The following SPTBN4 variants were observed in gnomAD, a reference collection of about 807,000 sequenced individuals.
SPTBN4 encodes the protein spectrin beta chain, non-erythrocytic 4.
SPTBN4 carries 96 observed loss-of-function variants against 277.8 expected under a neutral mutation model. That is an observed-to-expected ratio of 0.35 (90% CI 0.29 to 0.41). SPTBN4 has a LOEUF of 0.41. SPTBN4 is among the 10% of genes least tolerant of loss of function. SPTBN4 has a pLI of 1.00. For missense variants in SPTBN4, 3,006 were observed against 3,595.7 expected, an observed-to-expected ratio of 0.84 and a Z score of 4.19; for synonymous variants, 1,481 against 1,580.3, an observed-to-expected ratio of 0.94 and a Z score of 1.49.
At chr19:40,467,842 C>T (rs1259686437) in intron 1 of SPTBN4, among the ~76,000 whole-genome samples, 1 of 152,134 alleles carries the variant, frequency 6.6e-6, no homozygotes, top group South Asian at 2.1e-4. Flanking sequence ...AACTGAGGCA[C>T]AGAAAGGCCA....
In SPTBN4 at chr19:40,504,023, T is replaced by C; in HGVS notation, c.1556T>C (p.Leu519Pro). The change falls in exon 12 of 36, where the codon CTG (leucine) becomes CCG (proline). Residue 519 changes from leucine to proline, a missense_variant. Around this residue, in one of 5 missense-constraint regions of SPTBN4, gnomAD observed 1,759 missense variants for 2,061.5 expected, o/e 0.85. Coordinates refer to ENST00000598249, the MANE Select transcript of SPTBN4 (RefSeq NM_020971.3). The part of the protein sequence containing the change: ...QRDSVLRQWA[L>P]LTGLVGARRT... ...GACAGCGTCCTGCGCCAGTGGGCCC[T>C]GCTAACTGGGCTTGTGGGTGCCCGG... is the stretch of plus-strand genomic sequence containing the variant. The C allele has an allele frequency of 6.2e-7, 1 of 1,613,924 alleles. No homozygotes were observed. The highest frequency in any genetic ancestry group is 1.1e-5 in the South Asian group (1 of 91,080).
Position 40,532,652 on chromosome 19 carries a change from C to T in SPTBN4, c.3976C>T (p.Leu1326=), listed in dbSNP as rs763428136. 6.2e-7 allele frequency: 1 copy of T among 1,613,400 alleles called. No homozygotes were observed. The highest frequency in any genetic ancestry group is 8.5e-7 in the Non-Finnish European group (1 of 1,179,580). Residue 1326 remains leucine (L), a synonymous_variant, in exon 19 of 36, where the codon CTG becomes TTG. Coordinates refer to ENST00000598249, the MANE Select transcript of SPTBN4 (RefSeq NM_020971.3). ...ELDGWIHEKM[L]MARDGTREDN... The stretch of plus-strand genomic sequence containing the variant: ...GGATGGCTGGATCCATGAGAAGATG[C>T]TGATGGCGCGGGATGGCACGCGGGA...
chr19:40,540,555 T>TA (rs1433634769), intron 20 of SPTBN4, among the ~76,000 whole-genome samples: 1 of 151,820 alleles, frequency 6.6e-6, no homozygotes, highest in Non-Finnish European at 1.5e-5. Flanking sequence ...AAACACATTT[T>TA]AAAAAAGCAA....
intron 27 of SPTBN4, 152 bp from the exon 28 acceptor site, chr19:40,565,271 A>AAAAG (rs2081079989): frequency 7.8e-4 from 766 of 978,948 alleles, no homozygotes; most frequent in Middle Eastern, 1.1e-3. Flanking sequence ...TCTCAAAAAA[A>AAAAG]AAAAGAAAAG....
At chr19:40,545,805 G>T (rs1286654816) in intron 20 of SPTBN4, among the ~76,000 whole-genome samples, 1 of 152,110 alleles carries the variant, frequency 6.6e-6, no homozygotes, top group African/African-American at 2.4e-5. Context: ...ACTTTGGAAG[G>T]CCAAGGCAGG....
At position 40,515,182 on chromosome 19, in the gene SPTBN4, G is replaced by C; in HGVS notation, c.2766-129G>C. 1.2e-6 allele frequency: 1 copy of C among 819,530 alleles called. No individual in the cohort carries two copies. The highest frequency in any genetic ancestry group is 1.7e-6 in the Non-Finnish European group (1 of 573,344). The allele number at this position is 819,530 out of a possible 1,614,324, so 50.8% of individuals were successfully genotyped here. On this transcript the variant is annotated intron_variant, in intron 14 of 35. Coordinates refer to ENST00000598249, the MANE Select transcript of SPTBN4 (RefSeq NM_020971.3). This position sits in a 1 kb window ranked among gnomAD's most constrained non-coding sequence, Gnocchi z 4.1. ...TAAATAAAATAAGCAGCAAGTAGAA[G>C]AGAAGGAGCCCACAAAGGAGGCTGA... is the stretch of plus-strand genomic sequence containing the variant.
At chr19:40,536,985 T>G (rs2080745218) in intron 20 of SPTBN4, among the ~76,000 whole-genome samples, 1 of 151,760 alleles carries the variant, frequency 6.6e-6, no homozygotes. Flanking sequence ...CTCACTATGT[T>G]GGCCAGTCTT....
In SPTBN4 at chr19:40,467,180, G is replaced by A. The variant is rs2079833118; in HGVS notation, c.-141G>A. 6.7e-6 allele frequency: 1 copy of A among 149,440 alleles called. No individual in the cohort carries two copies. The highest frequency in any genetic ancestry group is 2.4e-5 in the African/African-American group (1 of 41,014). The allele number at this position is 149,440 out of a possible 1,614,324, so 9.3% of individuals were successfully genotyped here. A position where few individuals can be genotyped will look rare whatever the true frequency, so the allele number is the denominator to read the frequency against. ...CGCATGCGGATCTGGCTGAGCCGCG[G>A]GCCGGCGGGGCCGAGCTGAGCCGGG... On this transcript the variant is annotated 5_prime_UTR_variant, in exon 1 of 36. Transcript: ENST00000598249.
At position 40,575,635 on chromosome 19, in the gene SPTBN4, CT is replaced by C. The variant is rs2081195171; in HGVS notation, c.*71del. The C allele has an allele frequency of 6.6e-7, 1 of 1,511,228 alleles. No individual in the cohort carries two copies. Among genetic ancestry groups the C allele is most frequent in the Non-Finnish European group, 8.9e-7 (1 of 1,128,028 alleles). 93.6% of individuals were successfully genotyped at this position (1,511,228 alleles called of 1,614,324 possible). A position where few individuals can be genotyped will look rare whatever the true frequency, so the allele number is the denominator to read the frequency against. On this transcript the variant is annotated 3_prime_UTR_variant, in exon 36 of 36. Coordinates refer to ENST00000598249, the MANE Select transcript of SPTBN4 (RefSeq NM_020971.3). ...TTTCCGCACTGTGGGCACAAAGACA[CT>C]TTTTCTTCCGCAGGGGCGGGAGCCC...
At chr19:40,469,868 T>C (rs1232554478) in intron 1 of SPTBN4, among the ~76,000 whole-genome samples, 4 of 152,040 alleles carry the variant, frequency 2.6e-5, no homozygotes, top group Non-Finnish European at 5.9e-5. Flanking sequence ...GGTCTGGAAC[T>C]CCTGACCTCA....
Position 40,519,554 on chromosome 19 carries a change from C to T in SPTBN4, c.3057C>T (p.Ala1019=). The part of the protein sequence containing the change: ...AVESAPRAGG[A]LQWRLSGLEA... ...AGAGCGCGCCCCGGGCCGGCGGCGC[C>T]CTGCAGTGGCGTCTTAGCGGCCTAG... The change falls in exon 16 of 36, where the codon GCC becomes GCT. Residue 1019 remains alanine, a synonymous_variant. Coordinates refer to ENST00000598249, the MANE Select transcript of SPTBN4 (RefSeq NM_020971.3). This position sits in a 1 kb window ranked among gnomAD's most constrained non-coding sequence, Gnocchi z 5.7. The T allele has an allele frequency of 6.4e-7, 1 of 1,563,930 alleles. No homozygotes were observed. Among genetic ancestry groups the T allele is most frequent in the Admixed American group, 1.9e-5 (1 of 51,540 alleles).
intron 20 of SPTBN4, among the ~76,000 whole-genome samples, 188 bp from the exon 21 acceptor site, chr19:40,549,001 A>G (rs2080886831): frequency 6.6e-6 from 1 of 152,218 alleles, no homozygotes; most frequent in Non-Finnish European, 1.5e-5. Flanking sequence ...AAAGGCTCCG[A>G]GGCAGGGACT....
chr19:40,523,290 A>G (rs1323941017), intron 16 of SPTBN4, 147 bp from the exon 17 acceptor site: 1 of 728,898 alleles, frequency 1.4e-6, no homozygotes, highest in Non-Finnish European at 2.2e-6. Context: ...AAGCACCAGC[A>G]TGGGCAACAG....
rs1341981828 is a variant in SPTBN4 at position 40,494,952 on chromosome 19, T to C, written c.643T>C (p.Phe215Leu). Residue 215 changes from phenylalanine to leucine, a missense_variant, in exon 6 of 36, where the codon TTC (phenylalanine) becomes CTC (leucine). By Grantham distance (22) the Phe-to-Leu change is conservative. Transcript: ENST00000598249. ...CACCAGCTGGCGGGATGGCTTGGCC[T>C]TCAATGCCCTCATTCACCGGCACAG... is the stretch of plus-strand genomic sequence containing the variant. ...FTTSWRDGLA[F>L]NALIHRHRPD... 10 of 1,614,038 alleles carry C rather than the reference T, an allele frequency of 6.2e-6. No homozygotes were observed. The highest frequency in any genetic ancestry group is 8.5e-6 in the Non-Finnish European group (10 of 1,180,018).
At position 40,533,953 on chromosome 19, in the gene SPTBN4, C is replaced by G. The variant is rs555305224; in HGVS notation, c.4096-127C>G. On this transcript the variant is annotated intron_variant, in intron 19 of 35. Coordinates refer to ENST00000598249, the MANE Select transcript of SPTBN4 (RefSeq NM_020971.3). ...CATGTCTCTCTCTCCCTATGTGTCT[C>G]CCACTCCCTGCCTCTGATTCTCTTT... is the stretch of plus-strand genomic sequence containing the variant. 2.6e-5 allele frequency: 32 copies of G among 1,229,750 alleles called. No homozygotes were observed. The African/African-American group carries it at 4.4e-4, about 17-fold the overall frequency. 76.2% of individuals were successfully genotyped at this position (1,229,750 alleles called of 1,614,324 possible).
intron 20 of SPTBN4, among the ~76,000 whole-genome samples, chr19:40,544,817 A>C (rs1278724833): frequency 1.4e-5 from 2 of 147,944 alleles, no homozygotes; most frequent in Non-Finnish European, 1.5e-5. Context: ...TAACCATTTT[A>C]CTCTTTTTTA....
At chr19:40,470,140 A>C (rs2079868672) in intron 1 of SPTBN4, among the ~76,000 whole-genome samples, 1 of 151,454 alleles carries the variant, frequency 6.6e-6, no homozygotes, top group African/African-American at 2.4e-5. Flanking sequence ...CTGGGATTAT[A>C]GGTGCACAAT....
intron 17 of SPTBN4, chr19:40,524,492 G>A: frequency 2.3e-6 from 1 of 437,378 alleles, no homozygotes; most frequent in Non-Finnish European, 4.6e-6. Context: ...GGATGACACA[G>A]CAACATTCTG....
chr19:40,530,656 C>G (rs1407004435), intron 18 of SPTBN4: 1 of 801,812 alleles, frequency 1.2e-6, no homozygotes. Flanking sequence ...GGAGGGGGCT[C>G]GGGCGCGTGC....
Sources: gnomAD v4.1 joint callset for allele counts (sites outside exome capture counted in the v4.1 genomes callset) on GRCh38, gnomAD v4.1.1 for gene constraint, gnomAD v4.1.1 regional missense constraint, Gnocchi (gnomAD v3.1) non-coding constraint, MANE v1.5 for transcripts, NCBI Gene and HGNC (gene_info 2026-07-23, HGNC 2026-07-21) for gene names.